The following CROCC variants were observed in gnomAD, a reference collection of about 807,000 sequenced individuals.
The protein encoded by CROCC is ciliary rootlet coiled-coil, rootletin.
A neutral mutation model predicts 245.2 loss-of-function variants in CROCC; 180 were observed. The ratio of observed to expected loss-of-function variants is 0.73; its 90% CI spans 0.65 to 0.83. The LOEUF (loss-of-function observed/expected upper bound fraction) is 0.83, where lower values mean the gene tolerates loss of function less well. Among genes scored for constraint, CROCC ranks in the 40% least tolerant of loss-of-function variants. The pLI is 0.00. For synonymous variants in CROCC, 1,205 were observed against 1,241.6 expected, an observed-to-expected ratio of 0.97 and a Z score of 0.62; for missense variants, 2,688 against 2,779.4, an observed-to-expected ratio of 0.97 and a Z score of 0.74.
chr1:16,939,365 GGGGTGCTTGGGCAGCTGGGGGT>G (rs1378573758), intron 12 of CROCC, among the ~76,000 whole-genome samples: 4 of 152,256 alleles, frequency 2.6e-5, no homozygotes, highest in Non-Finnish European at 4.4e-5. Context: ...CCCAGAAGTG[GGGGTGCTTGGGCAGCTGGGGGT>G]GGGTGCTTGG....
intron 34 of CROCC, 38 bp from the exon 35 acceptor site, chr1:16,970,598 C>T (rs768616233): frequency 1.3e-6 from 2 of 1,503,236 alleles, no homozygotes; most frequent in South Asian, 1.4e-5. Flanking sequence ...CAGTAAGCTC[C>T]TCCTGGCACC....
chr1:16,918,457 G>A (rs1468854346), upstream of CROCC, among the ~76,000 whole-genome samples: 1 of 152,244 alleles, frequency 6.6e-6, no homozygotes, highest in Non-Finnish European at 1.5e-5. Context: ...GGTGCCAGGG[G>A]CTGACATCCT....
intron 13 of CROCC, among the ~76,000 whole-genome samples, chr1:16,941,748 GA>G (rs1389314714): frequency 6.7e-6 from 1 of 149,572 alleles, no homozygotes; most frequent in Non-Finnish European, 1.5e-5. Context: ...AAAAAAAAAA[GA>G]AAAAATTCAG....
chr1:16,960,684 C>T (rs894610131), intron 26 of CROCC, 74 bp from the exon 27 acceptor site: 1 of 1,384,046 alleles, frequency 7.2e-7, no homozygotes, highest in Non-Finnish European at 9.4e-7. Context: ...TGGTGGGCTC[C>T]AGTCTGGGCC....
upstream of CROCC, among the ~76,000 whole-genome samples, chr1:16,921,529 TC>T (rs1479187341): frequency 5.3e-5 from 8 of 152,270 alleles, no homozygotes; most frequent in African/African-American, 1.9e-4. Flanking sequence ...GTAAATCCTC[TC>T]ATTCTTAGCT....
chr1:16,926,274 AC>A (rs1303076770), intron 3 of CROCC, among the ~76,000 whole-genome samples: 2 of 152,260 alleles, frequency 1.3e-5, no homozygotes, highest in African/African-American at 4.8e-5. Context: ...TCCCCAGAGA[AC>A]TTCAGAGCCT....
At chr1:16,970,910 C>G in intron 35 of CROCC, 143 bp downstream of exon 35, 1 of 1,009,936 alleles carries the variant, frequency 9.9e-7, no homozygotes, top group Non-Finnish European at 1.4e-6. Context: ...CCCAGCGGGC[C>G]ATGGAGGGAT....
In CROCC at chr1:16,958,551, C is replaced by T. The variant is rs1424554182; in HGVS notation, c.3865-32C>T. On this transcript the variant is annotated intron_variant, in intron 25 of 36. Coordinates refer to ENST00000375541, the MANE Select transcript of CROCC (RefSeq NM_014675.5). ...GAACTGGGAGGGTACAGGGGCAGAG[C>T]TGAACCTGCTGCCATTCCCGTGCTC... 1.9e-6 allele frequency: 3 copies of T among 1,548,742 alleles called. No individual in the cohort carries two copies. In the South Asian group the frequency reaches 3.6e-5, roughly 18 times the overall value.
intron 28 of CROCC, 37 bp from the exon 29 acceptor site, chr1:16,965,962 A>T: frequency 6.2e-7 from 1 of 1,605,660 alleles, no homozygotes; most frequent in Non-Finnish European, 8.5e-7. Context: ...GTGTCAGAGC[A>T]GGGGTCTGTC....
rs758565180 is a variant in CROCC, at chr1:16,948,422, G to A, written c.2606G>A (p.Arg869His). 19 of 1,571,538 alleles carry A rather than the reference G, an allele frequency of 1.2e-5. No individual in the cohort carries two copies. The highest frequency in any genetic ancestry group is 6.9e-5 in the East Asian group (3 of 43,544). Residue 869 changes from arginine to histidine, a missense_variant, in exon 18 of 37, where the codon CGT becomes CAT. Physicochemically the swap from Arg to His is conservative, Grantham distance 29. This residue lies in a region of CROCC where 295 missense variants were observed against 241.7 expected (regional missense o/e 1.22). Transcript: ENST00000375541. The part of the protein sequence containing the change: ...RQVEALERAA[R>H]EKEALAKEHA... ...GTGGAGGCGCTGGAGCGAGCGGCCCGTGAGAAGGAGGCGCTAGCCAAGGAG... is the reference window on the plus strand; with the variant it reads ...GTGGAGGCGCTGGAGCGAGCGGCCCATGAGAAGGAGGCGCTAGCCAAGGAG...
intron 12 of CROCC, 91 bp downstream of exon 12, chr1:16,939,233 C>CGGGGCCA (rs1421122767): frequency 5.3e-6 from 6 of 1,129,986 alleles, no homozygotes; most frequent in Non-Finnish European, 7.0e-6. Context: ...GGGGCAGGTC[C>CGGGGCCA]GGGGCCAGGG....
intron 8 of CROCC, among the ~76,000 whole-genome samples, chr1:16,934,497 CT>C (rs2075746046): frequency 6.6e-6 from 1 of 152,226 alleles, no homozygotes; most frequent in Non-Finnish European, 1.5e-5. Flanking sequence ...GAGACAGGGT[CT>C]TGCCATGTTG....
In CROCC at chr1:16,946,282, C is replaced by G; in HGVS notation, c.2160C>G (p.Leu720=). The G allele has an allele frequency of 6.2e-7, 1 of 1,613,152 alleles. No individual in the cohort carries two copies. The highest frequency in any genetic ancestry group is 8.5e-7 in the Non-Finnish European group (1 of 1,179,888). Residue 720 remains leucine, a synonymous_variant, in exon 16 of 37, where the codon CTC becomes CTG. Coordinates refer to ENST00000375541, the MANE Select transcript of CROCC (RefSeq NM_014675.5). ...AGGCTGAGGCTGGCCGCGTGGAGCT[C>G]GAGCTCTCCATGACCAAGCTGAGGG... ...LTKAEAGRVE[L]ELSMTKLRAE...
rs768236725 is a variant in CROCC, at chr1:16,931,315, G to T, written c.874G>T (p.Glu292Ter). The change falls in exon 8 of 37, where the codon GAG (glutamate) becomes TAG (stop). Residue 292 changes from glutamate (E) to a stop codon, truncating the protein, a stop_gained. Transcript: ENST00000375541. LOFTEE classifies it high-confidence loss of function. ...GTCCTTCAACGCCTACTTCAGCAAC[G>T]AGCACAGTCGCCTGCTCCTCCTCTG... ...EESFNAYFSN[E>*]HSRLLLLWRQ... The T allele has an allele frequency of 1.9e-6, 3 of 1,611,980 alleles. No homozygotes were observed. Among genetic ancestry groups the T allele is most frequent in the South Asian group, 1.1e-5 (1 of 90,878 alleles).
chr1:16,926,636 G>A (rs2075540365), intron 3 of CROCC, among the ~76,000 whole-genome samples: 1 of 152,378 alleles, frequency 6.6e-6, no homozygotes, highest in Admixed American at 6.5e-5. Context: ...TCCCAGCCGA[G>A]AGAGAGGACC....
intron 7 of CROCC, 148 bp from the exon 8 acceptor site, chr1:16,931,143 G>A (rs1380604891): frequency 6.1e-6 from 4 of 652,484 alleles, no homozygotes; most frequent in Non-Finnish European, 1.1e-5. Context: ...GAGCATGGCC[G>A]CTGCAACACA....
At chr1:16,965,285 G>C in intron 27 of CROCC, among the ~76,000 whole-genome samples, 1 of 152,214 alleles carries the variant, frequency 6.6e-6, no homozygotes, top group South Asian at 2.1e-4. Context: ...CTGGGCCCTG[G>C]GAACAGTGGT....
At chr1:16,958,052 G>A (rs751753831) in intron 25 of CROCC, among the ~76,000 whole-genome samples, 30 of 152,264 alleles carry the variant, frequency 2.0e-4, no homozygotes, top group African/African-American at 6.3e-4. Context: ...GTCTCAGATC[G>A]AATCCCAGTC....
chr1:16,945,440 C>T (rs761197418), intron 14 of CROCC, 22 bp from the exon 15 acceptor site: 80 of 1,611,046 alleles, frequency 5.0e-5, no homozygotes, highest in Non-Finnish European at 6.1e-5. Context: ...CATGGGCCAC[C>T]CACCCACCCT....
Sources: gnomAD v4.1 joint callset for allele counts (sites outside exome capture counted in the v4.1 genomes callset) on GRCh38, gnomAD v4.1.1 for gene constraint, gnomAD v4.1.1 regional missense constraint, MANE v1.5 for transcripts, NCBI Gene and HGNC (gene_info 2026-07-23, HGNC 2026-07-21) for gene names.